Variants in FRMD4A observed in about 807,000 individuals in gnomAD.
The protein encoded by FRMD4A is FERM domain-containing protein 4A.
In FRMD4A, 29 loss-of-function variants were observed where a neutral mutation model predicts 129.1. That is an observed-to-expected ratio of 0.22 (90% confidence interval 0.17 to 0.31). FRMD4A has a LOEUF of 0.31. FRMD4A is among the 10% of genes least tolerant of loss of function. The pLI, the probability that FRMD4A is intolerant of heterozygous loss-of-function variation, is 1.00. For synonymous variants in FRMD4A, 634 were observed against 571.6 expected (o/e 1.11, Z -1.56); for missense variants, 1,272 against 1,375.8 (o/e 0.92, Z 1.19).
intron 2 of FRMD4A, among the ~76,000 whole-genome samples, chr10:14,111,601 A>G (rs1837905018): frequency 6.6e-6 from 1 of 152,190 alleles, no homozygotes; most frequent in African/African-American, 2.4e-5. Flanking sequence ...CCATCAATTC[A>G]CTGTGGATTA....
chr10:14,279,040 G>A (rs974113964), intron 2 of FRMD4A, among the ~76,000 whole-genome samples: 8 of 152,096 alleles, frequency 5.3e-5, no homozygotes, highest in South Asian at 2.1e-4. Context: ...TGTTGGGGCC[G>A]TTTCAGGGAA....
intron 2 of FRMD4A, among the ~76,000 whole-genome samples, chr10:13,884,103 A>AACACACACACACACACACACTCACAC: frequency 9.5e-6 from 1 of 105,704 alleles, no homozygotes; most frequent in East Asian, 3.1e-4. Flanking sequence ...ATGGAAAAGA[A>AACACACACACACACACACACTCACAC]ACACACACAC....
intron 2 of FRMD4A, among the ~76,000 whole-genome samples, chr10:14,163,462 C>T (rs527766004): frequency 3.3e-5 from 5 of 152,338 alleles, no homozygotes; most frequent in Admixed American, 3.3e-4. Flanking sequence ...AAATCATCTG[C>T]TTCTAGCTTC....
At chr10:14,189,796 G>A (rs1048102182) in intron 2 of FRMD4A, among the ~76,000 whole-genome samples, 20 of 152,280 alleles carry the variant, frequency 1.3e-4, no homozygotes, top group African/African-American at 4.8e-4. Context: ...GTCAAGGTGA[G>A]TTTAGACAGA....
chr10:14,148,680 T>C (rs1215836420), intron 2 of FRMD4A, among the ~76,000 whole-genome samples: 1 of 151,732 alleles, frequency 6.6e-6, no homozygotes, highest in East Asian at 1.9e-4. Flanking sequence ...GAGAATCCCT[T>C]GAACCCAGGA....
chr10:13,992,067 G>A (rs1237572252), intron 2 of FRMD4A: 2 of 152,150 alleles, frequency 1.3e-5, no homozygotes, highest in Non-Finnish European at 2.9e-5. Context: ...AAAAAGCACT[G>A]AATAACATAA....
At chr10:14,228,713 G>A (rs1208497888) in intron 2 of FRMD4A, among the ~76,000 whole-genome samples, 2 of 151,890 alleles carry the variant, frequency 1.3e-5, no homozygotes, top group African/African-American at 4.8e-5. Context: ...TTGAGTTAAA[G>A]CAGATTAGGT....
At chr10:14,232,093 A>G (rs1843657659) in intron 2 of FRMD4A, among the ~76,000 whole-genome samples, 1 of 151,848 alleles carries the variant, frequency 6.6e-6, no homozygotes, top group Admixed American at 6.6e-5. Flanking sequence ...ATCTATCTTG[A>G]GTTGATTTTT....
At chr10:13,714,285 A>G (rs1016756754) in intron 12 of FRMD4A, among the ~76,000 whole-genome samples, 1 of 150,698 alleles carries the variant, frequency 6.6e-6, no homozygotes, top group Admixed American at 6.7e-5. Context: ...CTGGTCTCGA[A>G]CTCCTGACCT....
intron 12 of FRMD4A, among the ~76,000 whole-genome samples, chr10:13,732,792 T>C (rs1389456570): frequency 1.3e-5 from 2 of 152,192 alleles, no homozygotes; most frequent in Non-Finnish European, 2.9e-5. Context: ...ATGAGGCCCA[T>C]GCATGGGACC....
chr10:13,789,139 G>A (rs1391343105), intron 5 of FRMD4A, among the ~76,000 whole-genome samples: 5 of 152,098 alleles, frequency 3.3e-5, no homozygotes, highest in African/African-American at 1.2e-4. Flanking sequence ...CCAAGCCTCT[G>A]ATGCTTAGAA....
chr10:14,171,007 G>A (rs922732659), intron 2 of FRMD4A, among the ~76,000 whole-genome samples: 6 of 41,178 alleles, frequency 1.5e-4, no homozygotes, highest in Non-Finnish European at 2.2e-4. Flanking sequence ...CGCTGAATAC[G>A]AGGGGAGTTT....
intron 2 of FRMD4A, among the ~76,000 whole-genome samples, chr10:14,231,329 G>A (rs1390901885): frequency 2.6e-5 from 4 of 151,442 alleles, no homozygotes; most frequent in African/African-American, 4.9e-5. Flanking sequence ...ACTGGTATGA[G>A]ATGATATCTC....
intron 2 of FRMD4A, among the ~76,000 whole-genome samples, chr10:13,953,489 G>C (rs895214997): frequency 1.1e-4 from 16 of 152,128 alleles, no homozygotes; most frequent in Non-Finnish European, 2.2e-4. Context: ...ATTCTGAATA[G>C]TGTGAAGATA....
At chr10:13,896,158 C>T (rs1049683879) in intron 2 of FRMD4A, among the ~76,000 whole-genome samples, 2 of 152,142 alleles carry the variant, frequency 1.3e-5, no homozygotes. Context: ...ACCCAGCAAT[C>T]CCATTACTTG....
At chr10:14,203,131 T>C (rs1198072893) in intron 2 of FRMD4A, among the ~76,000 whole-genome samples, 1 of 152,210 alleles carries the variant, frequency 6.6e-6, no homozygotes, top group Non-Finnish European at 1.5e-5. Flanking sequence ...CGTGTAGAAA[T>C]CCAGTGGTAT....
At chr10:14,292,973 C>A (rs943479861) in intron 2 of FRMD4A, among the ~76,000 whole-genome samples, 2 of 151,966 alleles carry the variant, frequency 1.3e-5, no homozygotes, top group African/African-American at 2.4e-5. Context: ...ATACATAAGC[C>A]ACCAAATGGA....
At chr10:13,881,142 G>A (rs944555765) in intron 2 of FRMD4A, among the ~76,000 whole-genome samples, 6 of 152,082 alleles carry the variant, frequency 3.9e-5, no homozygotes, top group African/African-American at 1.4e-4. Context: ...GGAGGGCTGG[G>A]TGTGGTGGTT....
intron 2 of FRMD4A, among the ~76,000 whole-genome samples, chr10:14,027,093 G>A (rs1336302694): frequency 3.3e-5 from 5 of 152,128 alleles, no homozygotes; most frequent in Admixed American, 6.5e-5. Flanking sequence ...TTTATCCTTC[G>A]AAAACCAAGT....
Sources: gnomAD v4.1 joint callset for allele counts (sites outside exome capture counted in the v4.1 genomes callset) on GRCh38, gnomAD v4.1.1 for gene constraint, MANE v1.5 for transcripts, NCBI Gene and HGNC (gene_info 2026-07-23, HGNC 2026-07-21) for gene names.